DTHD1: variants seen among roughly 807,000 people sequenced by gnomAD.
DTHD1 encodes death domain-containing protein 1.
In DTHD1, 59 loss-of-function variants were observed where a neutral mutation model predicts 74.8. The observed-to-expected ratio is 0.79, with a 90% CI of 0.64 to 0.98. DTHD1 has a LOEUF of 0.98. Among genes scored for constraint, DTHD1 ranks in the 50% least tolerant of loss-of-function variants. The pLI is 0.00. For synonymous variants in DTHD1, 365 were observed against 371.1 expected, an observed-to-expected ratio of 0.98 and a Z score of 0.19; for missense variants, 1,051 against 1,065.4, an observed-to-expected ratio of 0.99 and a Z score of 0.19.
chr4:36,338,970 C>T (rs1759162823), intron 8 of DTHD1, 142 bp from the exon 9 acceptor site: 3 of 615,650 alleles, frequency 4.9e-6, no homozygotes, highest in Admixed American at 6.0e-5. Context: ...AGCATGCATG[C>T]ACAAATACAG....
intron 5 of DTHD1, 138 bp downstream of exon 5, chr4:36,295,177 A>G: frequency 8.7e-7 from 1 of 1,143,704 alleles, no homozygotes; most frequent in South Asian, 2.2e-5. Context: ...GAAAGAAGAT[A>G]TTGTGGATCC....
chr4:36,343,617 C>T lies in DTHD1; in HGVS notation c.2514C>T (p.Leu838=), dbSNP rs995070572. Residue 838 remains leucine (L), a synonymous_variant, in exon 10 of 10, where the codon CTC becomes CTT. Coordinates refer to ENST00000639862, the MANE Select transcript of DTHD1 (RefSeq NM_001170700.3). Reference sequence around the variant, plus strand: ...GTAGCACCATTCAGCTCATCAAACTCAAGAACCCTGATGATCTCACAGAAC... The same window carrying T: ...GTAGCACCATTCAGCTCATCAAACTTAAGAACCCTGATGATCTCACAGAAC... ...LRRSTIQLIK[L]KNPDDLTEQI... is the part of the protein sequence containing the mutation. 4 of 1,551,790 alleles carry T rather than the reference C, an allele frequency of 2.6e-6. No homozygotes were observed. The highest frequency in any genetic ancestry group is 3.5e-6 in the Non-Finnish European group (4 of 1,146,982).
Position 36,284,040 on chromosome 4 carries a change from T to G in DTHD1, c.336T>G (p.Leu112=). The G allele has an allele frequency of 1.3e-6, 2 of 1,537,186 alleles. No individual in the cohort carries two copies. The highest frequency in any genetic ancestry group is 3.9e-5 in the Admixed American group (2 of 50,998). ...ITEHLGSTAA[L]LKKEEKEICN... is the part of the protein sequence containing the mutation. ...AACATTTGGGGAGCACTGCTGCACT[T>G]CTAAAGAAAGAAGAAAAGGAGATTT... is the stretch of plus-strand genomic sequence containing the variant. Residue 112 remains leucine, a synonymous_variant, in exon 2 of 10, where the codon CTT becomes CTG. Transcript: ENST00000639862.
At chr4:36,336,725 C>G (rs1157403009) in intron 8 of DTHD1, among the ~76,000 whole-genome samples, 1 of 152,134 alleles carries the variant, frequency 6.6e-6, no homozygotes, top group Non-Finnish European at 1.5e-5. Context: ...ATTAGATAAG[C>G]AAGCATGGTT....
intron 1 of DTHD1, among the ~76,000 whole-genome samples, chr4:36,282,806 C>G (rs1286867323): frequency 6.6e-6 from 1 of 152,100 alleles, no homozygotes; most frequent in Non-Finnish European, 1.5e-5. Flanking sequence ...AAATAGTGGG[C>G]ATCAGGGAAA....
chr4:36,328,567 T>C (rs1237770388), intron 8 of DTHD1, among the ~76,000 whole-genome samples: 1 of 152,226 alleles, frequency 6.6e-6, no homozygotes, highest in Non-Finnish European at 1.5e-5. Flanking sequence ...ACAATGAACC[T>C]ACATGGACAC....
chr4:36,311,471 C>G (rs189054094), intron 7 of DTHD1, among the ~76,000 whole-genome samples: 1 of 151,376 alleles, frequency 6.6e-6, no homozygotes, highest in Admixed American at 6.6e-5. Flanking sequence ...TCCCCACCCC[C>G]ACCCTCACCC....
At chr4:36,304,518 G>A (rs1257959189) in intron 5 of DTHD1, among the ~76,000 whole-genome samples, 1 of 152,066 alleles carries the variant, frequency 6.6e-6, no homozygotes, top group African/African-American at 2.4e-5. Flanking sequence ...AAAGTAAGTT[G>A]GTTTTTAACT....
At chr4:36,297,753 C>A (rs369185985) in intron 5 of DTHD1, among the ~76,000 whole-genome samples, 26 of 152,168 alleles carry the variant, frequency 1.7e-4, no homozygotes, top group East Asian at 1.5e-3. Context: ...GCCCCTGGCA[C>A]GTGTGCATGG....
At chr4:36,314,382 C>G (rs1456488050) in intron 7 of DTHD1, among the ~76,000 whole-genome samples, 1 of 151,910 alleles carries the variant, frequency 6.6e-6, no homozygotes, top group Non-Finnish European at 1.5e-5. Flanking sequence ...GACATGAAAG[C>G]TAAATCTTGG....
chr4:36,295,186 C>A, intron 5 of DTHD1, 147 bp downstream of exon 5: 1 of 1,095,680 alleles, frequency 9.1e-7, no homozygotes, highest in Non-Finnish European at 1.2e-6. Flanking sequence ...TATTGTGGAT[C>A]CACAAAAGGT....
chr4:36,290,438 A>T lies in DTHD1; in HGVS notation c.953A>T (p.Tyr318Phe). The T allele has an allele frequency of 3.9e-6, 6 of 1,551,990 alleles. No individual in the cohort carries two copies. Among genetic ancestry groups the T allele is most frequent in the Non-Finnish European group, 5.2e-6 (6 of 1,147,018 alleles). Residue 318 changes from tyrosine (Y) to phenylalanine (F), a missense_variant, in exon 3 of 10, where the codon TAT becomes TTT. Physicochemically the swap from Tyr to Phe is conservative, Grantham distance 22. Coordinates refer to ENST00000639862, the MANE Select transcript of DTHD1 (RefSeq NM_001170700.3). ...TCTTGTTATATTACAGCACCATCAT[A>T]TGTTCTACAACAACTAGAATGCCGG... is the stretch of plus-strand genomic sequence containing the variant. Reference protein sequence around the residue: ...QVSCYITAPSYVLQQLECRII... With the variant: ...QVSCYITAPSFVLQQLECRII...
intron 5 of DTHD1, among the ~76,000 whole-genome samples, chr4:36,302,766 A>G (rs1215168409): frequency 1.3e-5 from 2 of 152,184 alleles, no homozygotes; most frequent in African/African-American, 4.8e-5. Context: ...GATCAACATG[A>G]ATAACTTAAA....
At chr4:36,286,913 G>C (rs928397381) in intron 2 of DTHD1, among the ~76,000 whole-genome samples, 1 of 151,750 alleles carries the variant, frequency 6.6e-6, no homozygotes, top group Non-Finnish European at 1.5e-5. Context: ...ATTTTTGACT[G>C]GTATGCCTTT....
At chr4:36,313,214 A>G (rs1482532275) in intron 7 of DTHD1, among the ~76,000 whole-genome samples, 2 of 152,350 alleles carry the variant, frequency 1.3e-5, no homozygotes, top group South Asian at 2.1e-4. Context: ...TCCACAAAAT[A>G]TAAGTACATT....
intron 3 of DTHD1, among the ~76,000 whole-genome samples, chr4:36,292,757 G>A (rs905371226): frequency 1.3e-5 from 2 of 152,200 alleles, no homozygotes; most frequent in African/African-American, 4.8e-5. Flanking sequence ...CACGCATGCT[G>A]GGGCAGAGCC....
chr4:36,293,225 A>G (rs1241137847), intron 3 of DTHD1, among the ~76,000 whole-genome samples: 2 of 152,198 alleles, frequency 1.3e-5, no homozygotes, highest in Admixed American at 6.5e-5. Context: ...GAACAATCAT[A>G]TTTGTGAAAA....
intron 8 of DTHD1, among the ~76,000 whole-genome samples, chr4:36,326,934 A>G (rs1758382946): frequency 6.6e-6 from 1 of 151,756 alleles, no homozygotes; most frequent in African/African-American, 2.4e-5. Context: ...TGATCCAAAA[A>G]GCCAAACCAA....
At chr4:36,287,445 A>G (rs553630538) in intron 2 of DTHD1, among the ~76,000 whole-genome samples, 2 of 152,376 alleles carry the variant, frequency 1.3e-5, no homozygotes, top group South Asian at 2.1e-4. Context: ...TGCTATAAAC[A>G]TGAGTATCCA....
Sources: allele counts gnomAD v4.1 joint callset (sites outside exome capture counted in the v4.1 genomes callset), GRCh38; gene constraint gnomAD v4.1.1; transcripts MANE v1.5; gene names NCBI Gene and HGNC (gene_info 2026-07-23, HGNC 2026-07-21).